The following TMED3 variants were observed in gnomAD, a reference collection of about 807,000 sequenced individuals.
The protein encoded by TMED3 is transmembrane emp24 domain-containing protein 3.
In TMED3, 9 loss-of-function variants were observed where a neutral mutation model predicts 15.0. The ratio of observed to expected loss-of-function variants is 0.60; its 90% CI spans 0.36 to 1.04. TMED3 has a LOEUF of 1.04. Among genes scored for constraint, TMED3 ranks in the 50% least tolerant of loss-of-function variants. The pLI, the probability that TMED3 is intolerant of heterozygous loss-of-function variation, is 0.01. For missense variants in TMED3, 267 were observed against 278.9 expected, an observed-to-expected ratio of 0.96 and a Z score of 0.30; for synonymous variants, 117 against 121.4, an observed-to-expected ratio of 0.96 and a Z score of 0.24.
intron 2 of TMED3, among the ~76,000 whole-genome samples, chr15:79,320,487 G>A (rs2058761560): frequency 6.6e-6 from 1 of 152,074 alleles, no homozygotes; most frequent in Non-Finnish European, 1.5e-5. Context: ...TGGGTGGCTT[G>A]CCGCCCACAG....
chr15:79,374,494 C>A (rs75346897), intron 2 of TMED3, among the ~76,000 whole-genome samples: 268 of 152,216 alleles, frequency 1.8e-3, no homozygotes, highest in African/African-American at 6.1e-3. Flanking sequence ...ATGTTTGAGA[C>A]CTTTTCTGCC....
intron 2 of TMED3, among the ~76,000 whole-genome samples, chr15:79,336,115 A>G (rs11852766): frequency 0.39 from 59,145 of 152,054 alleles, 12,988 homozygotes; most frequent in Middle Eastern, 0.61. Flanking sequence ...AAAAATTTTG[A>G]TAAAGGAATA....
At chr15:79,360,764 G>A (rs558103150) in intron 2 of TMED3, among the ~76,000 whole-genome samples, 3 of 152,140 alleles carry the variant, frequency 2.0e-5, no homozygotes, top group Admixed American at 6.5e-5. Flanking sequence ...GCCATAAAAC[G>A]AAAAACAATA....
At chr15:79,340,585 C>T (rs898974896) in intron 2 of TMED3, among the ~76,000 whole-genome samples, 1 of 152,176 alleles carries the variant, frequency 6.6e-6, no homozygotes, top group African/African-American at 2.4e-5. Context: ...ACTAATACAC[C>T]TGGCGTGTAG....
intron 2 of TMED3, among the ~76,000 whole-genome samples, chr15:79,357,173 C>G (rs1166508549): frequency 6.6e-6 from 1 of 151,986 alleles, no homozygotes; most frequent in East Asian, 1.9e-4. Context: ...CTATGTTATA[C>G]TCTTTCATAT....
intron 2 of TMED3, among the ~76,000 whole-genome samples, chr15:79,341,538 G>A (rs1036925534): frequency 2.6e-5 from 4 of 152,222 alleles, no homozygotes; most frequent in Admixed American, 2.0e-4. Context: ...TTAGATCACT[G>A]TGGCTGCTGT....
At chr15:79,388,168 A>G (rs1317092366) in intron 2 of TMED3, among the ~76,000 whole-genome samples, 2 of 152,182 alleles carry the variant, frequency 1.3e-5, no homozygotes, top group East Asian at 1.9e-4. Context: ...CTTTTTCCCA[A>G]TCTCAGAAGG....
At chr15:79,400,113 C>T (rs1052839537) in intron 2 of TMED3, among the ~76,000 whole-genome samples, 1 of 152,200 alleles carries the variant, frequency 6.6e-6, no homozygotes, top group African/African-American at 2.4e-5. Flanking sequence ...ACCCGTCGAA[C>T]TTGTCATGCT....
rs1400580997 is a variant in TMED3, at chr15:79,368,857, G to A, written c.418-42543G>A. Among the ~76,000 whole-genome samples the A allele has an allele frequency of 2.0e-5, 3 of 152,240 alleles. No individual in the cohort carries two copies. The East Asian group carries it at 5.8e-4, about 29-fold the overall frequency. On this transcript the variant is annotated intron_variant, in intron 2 of 2. Coordinates refer to the TMED3 transcript ENST00000424155. ...AATCCCAGCACTTTGGGAGGCCAAG[G>A]TGGGCAGATCACATGAGGTCAGGAG...
rs1447942371 is a variant in TMED3, at chr15:79,385,308, G to C, written c.418-26092G>C. 2.6e-5 allele frequency among the ~76,000 whole-genome samples: 4 copies of C among 152,184 alleles called. No homozygotes were observed. In the East Asian group the frequency reaches 7.7e-4, roughly 29 times the overall value. On this transcript the variant is annotated intron_variant, in intron 2 of 2. Transcript: ENST00000424155. ...GATGTGTCTAACTCAGGCAAGGTGA[G>C]AGGTCCGCACCTACCCCTAGGAAGG...
chr15:79,346,106 C>T (rs1305956848), intron 2 of TMED3, among the ~76,000 whole-genome samples: 2 of 152,084 alleles, frequency 1.3e-5, no homozygotes. Flanking sequence ...TAGGTTGGCT[C>T]TTCACTCTGT....
intron 2 of TMED3, among the ~76,000 whole-genome samples, chr15:79,334,946 G>A (rs1317737827): frequency 1.3e-5 from 2 of 152,204 alleles, no homozygotes; most frequent in Non-Finnish European, 2.9e-5. Context: ...TTAACTTTAA[G>A]ATGCCAAAAT....
chr15:79,408,321 G>T lies in TMED3; in HGVS notation c.418-3079G>T, dbSNP rs1395935. ...GTTGCACCTTCTGCTTCTGCCAGTCGCAGTTCCTCCCATCGGACGTATGAG... is the reference window on the plus strand; with the variant it reads ...GTTGCACCTTCTGCTTCTGCCAGTCTCAGTTCCTCCCATCGGACGTATGAG... On this transcript the variant is annotated intron_variant, in intron 2 of 2. Coordinates refer to the TMED3 transcript ENST00000424155. Among the ~76,000 whole-genome samples, 7 of 152,056 alleles carry T rather than the reference G, an allele frequency of 4.6e-5. No homozygotes were observed. The South Asian group carries it at 6.2e-4, about 13-fold the overall frequency.
chr15:79,381,457 G>A (rs1013128492), intron 2 of TMED3, among the ~76,000 whole-genome samples: 3 of 152,196 alleles, frequency 2.0e-5, no homozygotes, highest in African/African-American at 7.2e-5. Flanking sequence ...AGGTTAAAAG[G>A]TCCTCTGGAG....
intron 2 of TMED3, among the ~76,000 whole-genome samples, chr15:79,336,882 T>TA (rs773658714): frequency 1.3e-5 from 2 of 152,190 alleles, no homozygotes; most frequent in African/African-American, 2.4e-5. Context: ...TCAGGACACT[T>TA]ACCATGTCAC....
chr15:79,366,978 A>G (rs909904681), intron 2 of TMED3, among the ~76,000 whole-genome samples: 2 of 152,224 alleles, frequency 1.3e-5, no homozygotes, highest in African/African-American at 4.8e-5. Context: ...GCAGAGAATA[A>G]TGATGGCTAG....
At chr15:79,327,230 C>A (rs1407006850), downstream of TMED3, among the ~76,000 whole-genome samples, 4 of 152,198 alleles carry the variant, frequency 2.6e-5, no homozygotes, top group East Asian at 7.7e-4. Context: ...CTAGCCCCTT[C>A]TGCCACGTGA....
chr15:79,409,987 T>G (rs1893951997), intron 2 of TMED3, among the ~76,000 whole-genome samples: 1 of 152,174 alleles, frequency 6.6e-6, no homozygotes, highest in Non-Finnish European at 1.5e-5. Context: ...AATTTTGTGC[T>G]GAGTTTAGAT....
chr15:79,313,087 C>A (rs1203564588), intron 1 of TMED3, among the ~76,000 whole-genome samples: 1 of 152,208 alleles, frequency 6.6e-6, no homozygotes, highest in Non-Finnish European at 1.5e-5. Flanking sequence ...CTCCTCACTT[C>A]ATGGATAAAG....
Sources: allele counts gnomAD v4.1 joint callset (sites outside exome capture counted in the v4.1 genomes callset), GRCh38; gene constraint gnomAD v4.1.1; transcripts MANE v1.5; gene names NCBI Gene and HGNC (gene_info 2026-07-23, HGNC 2026-07-21).